The following NPHP4 variants were observed in gnomAD, a reference collection of about 807,000 sequenced individuals.
The protein encoded by NPHP4 is nephrocystin-4.
A neutral mutation model predicts 155.8 loss-of-function variants in NPHP4; 151 were observed. That is an observed-to-expected ratio of 0.97 (90% CI 0.85 to 1.11). The LOEUF (loss-of-function observed/expected upper bound fraction) is 1.11, where lower values mean the gene tolerates loss of function less well. NPHP4 is among the 50% of genes least tolerant of loss of function. The pLI, the probability that NPHP4 is intolerant of heterozygous loss-of-function variation, is 0.00. For synonymous variants in NPHP4, 845 were observed against 816.8 expected, an observed-to-expected ratio of 1.03 and a Z score of -0.59; for missense variants, 1,956 against 1,925.7, an observed-to-expected ratio of 1.02 and a Z score of -0.29.
At chr1:5,924,974 C>T (rs752352371) in intron 11 of NPHP4, among the ~76,000 whole-genome samples, 29 of 152,138 alleles carry the variant, frequency 1.9e-4, no homozygotes, top group Non-Finnish European at 3.2e-4. Context: ...AATTTAAACA[C>T]ATGAAAATTT....
intron 11 of NPHP4, among the ~76,000 whole-genome samples, chr1:5,915,798 C>T (rs1440619419): frequency 1.3e-5 from 2 of 152,200 alleles, no homozygotes; most frequent in Non-Finnish European, 2.9e-5. Flanking sequence ...CAGCAAAATG[C>T]ACCCTTACCA....
rs1427342346 is a variant in NPHP4 at position 5,882,990 on chromosome 1, T to G, written c.2486-2751A>C. 1 of 152,286 alleles carries G rather than the reference T, an allele frequency of 6.6e-6. No individual in the cohort carries two copies. The allele number at this position is 152,286 out of a possible 1,614,324, so 9.4% of individuals were successfully genotyped here. A position where few individuals can be genotyped will look rare whatever the true frequency, so the allele number is the denominator to read the frequency against. ...TGTTCATGCCCCATGATGGGCTGTA[T>G]CTTCTGAAGCCCAGGAAGAACAGGG... On this transcript the variant is annotated intron_variant, in intron 18 of 29. Transcript: ENST00000378156. This position sits in a 1 kb window ranked among gnomAD's most constrained non-coding sequence, Gnocchi z 5.1.
chr1:5,953,381 G>A (rs908840098), intron 6 of NPHP4, among the ~76,000 whole-genome samples: 1 of 152,192 alleles, frequency 6.6e-6, no homozygotes, highest in African/African-American at 2.4e-5. Context: ...TGAGATTACA[G>A]GCGTGAGCCA....
intron 13 of NPHP4, 52 bp downstream of exon 13, chr1:5,907,063 C>G (rs1644942666): frequency 2.8e-6 from 3 of 1,082,684 alleles, no homozygotes; most frequent in East Asian, 2.8e-5. Flanking sequence ...AAATGAGGAG[C>G]TGTGGAGCCA....
At chr1:5,924,209 G>C (rs1247121583) in intron 11 of NPHP4, among the ~76,000 whole-genome samples, 2 of 152,166 alleles carry the variant, frequency 1.3e-5, no homozygotes, top group Non-Finnish European at 2.9e-5. Context: ...AGGAGGTTAT[G>C]AATAAAAGTG....
intron 2 of NPHP4, among the ~76,000 whole-genome samples, chr1:5,980,765 G>A (rs1331165023): frequency 5.9e-5 from 9 of 152,142 alleles, no homozygotes; most frequent in Admixed American, 2.0e-4. Flanking sequence ...GTGAAGCAAC[G>A]TGGAGGGAGG....
chr1:5,947,945 G>T, intron 8 of NPHP4, 125 bp downstream of exon 8: 1 of 738,300 alleles, frequency 1.4e-6, no homozygotes, highest in Non-Finnish European at 2.3e-6. Context: ...CAACTTCCAA[G>T]AGGAAAGAAA....
At chr1:5,979,735 A>T (rs1403643138) in intron 2 of NPHP4, among the ~76,000 whole-genome samples, 1 of 151,490 alleles carries the variant, frequency 6.6e-6, no homozygotes, top group Non-Finnish European at 1.5e-5. Context: ...GCTGGTCTTG[A>T]TCTCCTGTCC....
chr1:5,874,415 C>T (rs1642334764), intron 22 of NPHP4, 56 bp downstream of exon 22: 1 of 1,435,852 alleles, frequency 7.0e-7, no homozygotes, highest in Non-Finnish European at 9.3e-7. Context: ...GAAGCATTCT[C>T]AATTTCCCAC....
chr1:5,975,426 C>T (rs1653374102), intron 3 of NPHP4, among the ~76,000 whole-genome samples: 1 of 152,236 alleles, frequency 6.6e-6, no homozygotes, highest in Non-Finnish European at 1.5e-5. Context: ...GCTTCAGCAT[C>T]ACCCTCACAG....
rs954435060 is a variant in NPHP4 at position 5,882,923 on chromosome 1, C to T, written c.2486-2684G>A. The T allele has an allele frequency of 1.3e-5, 2 of 152,284 alleles. No individual in the cohort carries two copies. The highest frequency in any genetic ancestry group is 4.8e-5 in the African/African-American group (2 of 41,460). 9.4% of individuals were successfully genotyped at this position (152,284 alleles called of 1,614,324 possible). The stretch of plus-strand genomic sequence containing the variant: ...GGTCACAGGATCAAGATCCTCGTCC[C>T]TAAGAAAGGAACCCAGATCAGCGCT... On this transcript the variant is annotated intron_variant, in intron 18 of 29. Coordinates refer to ENST00000378156, the MANE Select transcript of NPHP4 (RefSeq NM_015102.5). This position sits in a 1 kb window ranked among gnomAD's most constrained non-coding sequence, Gnocchi z 5.1.
rs560329867 is a variant in NPHP4 at position 5,867,758 on chromosome 1, G to A, written c.3454C>T (p.Pro1152Ser). Residue 1152 changes from proline to serine, a missense_variant, in exon 24 of 30, where the codon CCC becomes TCC. Physicochemically the swap from Pro to Ser is moderately conservative, Grantham distance 74 (BLOSUM62 -1). Transcript: ENST00000378156. This position sits in a 1 kb window ranked among gnomAD's most constrained non-coding sequence, Gnocchi z 4.1. ...SFLKKAIRLP[P>S]WHTFPGAPVG... ...GACCTGCCTGGAAATGTGTGCCAGG[G>A]CGGCAGGCGGATGGCCTTCTTCAGG... 635 of 1,610,666 alleles carry A rather than the reference G, an allele frequency of 3.9e-4. 7 individuals are homozygous for A. In the South Asian group the frequency reaches 6.5e-3, roughly 16 times the overall value.
chr1:5,957,768 A>C (rs1570634475), intron 6 of NPHP4, among the ~76,000 whole-genome samples: 1 of 152,142 alleles, frequency 6.6e-6, no homozygotes, highest in Non-Finnish European at 1.5e-5. Context: ...AAAAACAAGA[A>C]CGCTGCAACA....
chr1:5,934,764 A>G (rs1646449120), intron 9 of NPHP4, among the ~76,000 whole-genome samples: 1 of 152,154 alleles, frequency 6.6e-6, no homozygotes, highest in African/African-American at 2.4e-5. Flanking sequence ...TTGGTGACGA[A>G]TGGACGCCCA....
At chr1:5,968,215 T>TTTGGCCCATATCCATACTACCTCA in intron 4 of NPHP4, among the ~76,000 whole-genome samples, 1 of 151,990 alleles carries the variant, frequency 6.6e-6, no homozygotes, top group Non-Finnish European at 1.5e-5. Flanking sequence ...AGAGTACAAC[T>TTTGGCCCATATCCATACTACCTCA]TTGGCCCATA....
chr1:5,908,283 C>CAGG (rs1645011699), intron 12 of NPHP4, among the ~76,000 whole-genome samples: 2 of 152,232 alleles, frequency 1.3e-5, no homozygotes, highest in South Asian at 4.1e-4. Context: ...GCAGGGAAGC[C>CAGG]TGGGAGGCCG....
At chr1:5,964,312 C>T (rs951021284) in intron 5 of NPHP4, among the ~76,000 whole-genome samples, 3 of 152,090 alleles carry the variant, frequency 2.0e-5, no homozygotes, top group African/African-American at 7.2e-5. Flanking sequence ...TCCTTCAGTC[C>T]CTTTATCTAT....
intron 6 of NPHP4, 106 bp downstream of exon 6, chr1:5,961,688 G>T (rs1166082323): frequency 2.8e-6 from 3 of 1,072,644 alleles, no homozygotes; most frequent in East Asian, 2.6e-5. Flanking sequence ...CTGCAGAGGG[G>T]CGCTCGGCCC....
At chr1:5,869,251 A>ATGCACACACACG (rs1553154638) in intron 23 of NPHP4, among the ~76,000 whole-genome samples, 200 of 150,284 alleles carry the variant, frequency 1.3e-3, no homozygotes, top group African/African-American at 4.5e-3. Flanking sequence ...ACACACACAC[A>ATGCACACACACG]CATGCACACC....
Sources: allele counts gnomAD v4.1 joint callset (sites outside exome capture counted in the v4.1 genomes callset), GRCh38; gene constraint gnomAD v4.1.1; non-coding constraint Gnocchi (gnomAD v3.1); transcripts MANE v1.5; gene names NCBI Gene and HGNC (gene_info 2026-07-23, HGNC 2026-07-21).